The following GLRB variants were observed in gnomAD, a reference collection of about 807,000 sequenced individuals.
The protein encoded by GLRB is glycine receptor beta.
A neutral mutation model predicts 54.2 loss-of-function variants in GLRB; 33 were observed. The observed-to-expected ratio is 0.61, with a 90% confidence interval of 0.46 to 0.81. The LOEUF is 0.81. GLRB is among the 40% of genes least tolerant of loss of function. The pLI, the probability that GLRB is intolerant of heterozygous loss-of-function variation, is 0.00. For synonymous variants in GLRB, 209 were observed against 208.2 expected (o/e 1.00, Z -0.03); for missense variants, 572 against 584.6 (o/e 0.98, Z 0.22).
At chr4:157,137,072 A>G (rs1016471311) in intron 6 of GLRB, among the ~76,000 whole-genome samples, 186 bp downstream of exon 6, 1 of 152,196 alleles carries the variant, frequency 6.6e-6, no homozygotes, top group African/African-American at 2.4e-5. Context: ...TTGTATTAAG[A>G]TAAATCATTT....
chr4:157,153,741 G>C (rs1173748500), intron 9 of GLRB, among the ~76,000 whole-genome samples: 1 of 152,170 alleles, frequency 6.6e-6, no homozygotes, highest in Non-Finnish European at 1.5e-5. Flanking sequence ...ATGCCTTCTG[G>C]ATGGGTGGAC....
intron 2 of GLRB, among the ~76,000 whole-genome samples, chr4:157,086,801 C>A (rs1056628468): frequency 2.0e-5 from 3 of 152,040 alleles, no homozygotes; most frequent in African/African-American, 4.8e-5. Context: ...GGGACACGAC[C>A]CAAATAACAT....
In GLRB at chr4:157,079,935, G is replaced by C. The variant is rs575629162; in HGVS notation, c.122+1789G>C. ...TGGAATCAAGCCATCTTGGGTTTCT[G>C]TATCTGAGCAAGCTGATAAGGCTCC... On this transcript the variant is annotated intron_variant, in intron 2 of 9. Coordinates refer to ENST00000264428, the MANE Select transcript of GLRB (RefSeq NM_000824.5). Among the ~76,000 whole-genome samples the C allele has an allele frequency of 1.5e-3, 232 of 152,234 alleles. 1 individual carries two copies. The highest frequency in any genetic ancestry group is 5.3e-3 in the African/African-American group (220 of 41,542).
chr4:157,095,290 C>A (rs1001757585), intron 2 of GLRB, among the ~76,000 whole-genome samples: 8 of 132,664 alleles, frequency 6.0e-5, no homozygotes, highest in Admixed American at 4.8e-4. Flanking sequence ...GTGATTCCCA[C>A]GTTTTGTGCC....
At chr4:157,122,161 A>G (rs2126534364) in intron 3 of GLRB, among the ~76,000 whole-genome samples, 169 bp from the exon 4 acceptor site, 1 of 151,442 alleles carries the variant, frequency 6.6e-6, no homozygotes, top group African/African-American at 2.4e-5. Context: ...CCTATTTAGA[A>G]AAACAAGTTA....
chr4:157,105,414 T>C (rs192653721), intron 2 of GLRB, among the ~76,000 whole-genome samples: 193 of 152,252 alleles, frequency 1.3e-3, no homozygotes, highest in African/African-American at 4.6e-3. Flanking sequence ...TCTTAAACTA[T>C]GTAAGACTTG....
At chr4:157,120,774 G>T in intron 3 of GLRB, 112 bp downstream of exon 3, 2 of 574,788 alleles carry the variant, frequency 3.5e-6, no homozygotes, top group Non-Finnish European at 6.5e-6. Context: ...AAAACAGTAA[G>T]ATTTCAAAGT....
At chr4:157,148,877 A>G (rs912613819) in intron 8 of GLRB, among the ~76,000 whole-genome samples, 6 of 151,914 alleles carry the variant, frequency 3.9e-5, no homozygotes, top group Non-Finnish European at 7.4e-5. Context: ...GAAATCTTTT[A>G]TCTCTTTTGT....
chr4:157,089,003 T>A (rs1220453650), intron 2 of GLRB, among the ~76,000 whole-genome samples: 6 of 152,200 alleles, frequency 3.9e-5, no homozygotes, highest in African/African-American at 1.4e-4. Context: ...TTCCTTAAAT[T>A]ACAAAAGATG....
At chr4:157,097,808 G>C (rs955127008) in intron 2 of GLRB, among the ~76,000 whole-genome samples, 4 of 152,144 alleles carry the variant, frequency 2.6e-5, no homozygotes, top group Admixed American at 2.6e-4. Context: ...ATTGCCTGAG[G>C]TCAGGAGTTC....
chr4:157,084,831 A>G (rs1163929507), intron 2 of GLRB: 1 of 352,264 alleles, frequency 2.8e-6, no homozygotes, highest in African/African-American at 2.2e-5. Context: ...TTTATCTTCT[A>G]TTCATTAAGA....
chr4:157,118,289 A>T (rs952361744), intron 2 of GLRB, among the ~76,000 whole-genome samples: 1 of 151,696 alleles, frequency 6.6e-6, no homozygotes, highest in Non-Finnish European at 1.5e-5. Context: ...GTATTTTGTA[A>T]TCAATCAATT....
At chr4:157,155,134 T>G (rs1737177867) in intron 9 of GLRB, among the ~76,000 whole-genome samples, 1 of 152,188 alleles carries the variant, frequency 6.6e-6, no homozygotes, top group South Asian at 2.1e-4. Context: ...AGAATTTCCT[T>G]GTTTTTTGTT....
intron 9 of GLRB, among the ~76,000 whole-genome samples, chr4:157,167,023 T>G (rs1473164334): frequency 6.6e-6 from 1 of 152,104 alleles, no homozygotes; most frequent in Non-Finnish European, 1.5e-5. Context: ...AAACCACACC[T>G]AAAATGATAT....
intron 5 of GLRB, 39 bp from the exon 6 acceptor site, chr4:157,136,765 G>A: frequency 1.3e-6 from 2 of 1,497,774 alleles, no homozygotes; most frequent in Non-Finnish European, 1.9e-6. Flanking sequence ...TGACAGAGAA[G>A]TATATTAAAT....
intron 2 of GLRB, among the ~76,000 whole-genome samples, chr4:157,099,137 C>T (rs912599140): frequency 2.6e-5 from 4 of 152,036 alleles, no homozygotes; most frequent in Non-Finnish European, 5.9e-5. Context: ...TTATCATAGG[C>T]AAGCAAGAGG....
At chr4:157,167,775 T>C (rs1737767161) in intron 9 of GLRB, among the ~76,000 whole-genome samples, 1 of 152,212 alleles carries the variant, frequency 6.6e-6, no homozygotes, top group Admixed American at 6.5e-5. Context: ...CTTATGGTTT[T>C]GCAAGCTGTA....
intron 7 of GLRB, among the ~76,000 whole-genome samples, chr4:157,140,924 A>G (rs1736582606): frequency 1.3e-5 from 2 of 151,934 alleles, no homozygotes; most frequent in Admixed American, 1.3e-4. Flanking sequence ...TAGCTTTGAA[A>G]GTCCTAGGAG....
At chr4:157,085,870 T>C (rs1031905519) in intron 2 of GLRB, among the ~76,000 whole-genome samples, 6 of 152,216 alleles carry the variant, frequency 3.9e-5, no homozygotes, top group Non-Finnish European at 8.8e-5. Context: ...TGAACTCCAG[T>C]ACATACTTCT....
Sources: allele counts gnomAD v4.1 joint callset (sites outside exome capture counted in the v4.1 genomes callset), GRCh38; gene constraint gnomAD v4.1.1; transcripts MANE v1.5; gene names NCBI Gene and HGNC (gene_info 2026-07-23, HGNC 2026-07-21).